Variants in KLHL32 observed in about 807,000 individuals in gnomAD.
KLHL32 encodes kelch-like protein 32.
A neutral mutation model predicts 64.8 loss-of-function variants in KLHL32; 35 were observed. That is an observed-to-expected ratio of 0.54 (90% CI 0.41 to 0.72). The LOEUF is 0.72. Among genes scored for constraint, KLHL32 ranks in the 30% least tolerant of loss-of-function variants. The pLI is 0.00. For synonymous variants in KLHL32, 259 were observed against 281.0 expected (o/e 0.92, Z 0.78); for missense variants, 589 against 768.5 (o/e 0.77, Z 2.76).
intron 6 of KLHL32, among the ~76,000 whole-genome samples, chr6:97,093,615 G>T (rs1310842953): frequency 1.3e-5 from 2 of 151,844 alleles, no homozygotes; most frequent in Non-Finnish European, 2.9e-5. Flanking sequence ...ATTTTCACCT[G>T]TTGTGAGACT....
At chr6:96,943,781 T>G (rs1319682411) in intron 1 of KLHL32, among the ~76,000 whole-genome samples, 1 of 152,184 alleles carries the variant, frequency 6.6e-6, no homozygotes, top group Admixed American at 6.5e-5. Context: ...GCACAGACAC[T>G]TGCCCCAGCC....
intron 4 of KLHL32, among the ~76,000 whole-genome samples, chr6:97,052,471 TG>T (rs1365318274): frequency 2.6e-5 from 4 of 152,246 alleles, no homozygotes; most frequent in African/African-American, 9.6e-5. Context: ...CATCAAAGAA[TG>T]TGTTTATATG....
the KLHL32 span, among the ~76,000 whole-genome samples, chr6:96,908,435 A>G: frequency 1.3e-5 from 2 of 152,220 alleles, no homozygotes; most frequent in African/African-American, 4.8e-5. Flanking sequence ...AAAATGTCAC[A>G]TGAATGTTAT....
At chr6:96,898,621 C>G in the KLHL32 span, among the ~76,000 whole-genome samples, 2 of 152,060 alleles carry the variant, frequency 1.3e-5, no homozygotes, top group African/African-American at 4.8e-5. Flanking sequence ...TCCTATTTCT[C>G]TTCTCTCTTG....
At chr6:97,001,036 G>C (rs1363962145) in intron 3 of KLHL32, among the ~76,000 whole-genome samples, 3 of 152,178 alleles carry the variant, frequency 2.0e-5, no homozygotes, top group Non-Finnish European at 4.4e-5. Context: ...GAGAAGGAGG[G>C]ATAATAGATG....
At chr6:97,079,890 T>G (rs1017800708) in intron 5 of KLHL32, among the ~76,000 whole-genome samples, 1 of 152,200 alleles carries the variant, frequency 6.6e-6, no homozygotes, top group Non-Finnish European at 1.5e-5. Context: ...AGATTTTCTT[T>G]TACTCAAGAG....
At chr6:97,052,545 C>G (rs1787103063) in intron 4 of KLHL32, among the ~76,000 whole-genome samples, 1 of 152,156 alleles carries the variant, frequency 6.6e-6, no homozygotes, top group Non-Finnish European at 1.5e-5. Flanking sequence ...CTTTGCACAC[C>G]CAGCAGGGCA....
At chr6:96,993,925 G>A (rs993073491) in intron 3 of KLHL32, among the ~76,000 whole-genome samples, 1 of 152,116 alleles carries the variant, frequency 6.6e-6, no homozygotes, top group African/African-American at 2.4e-5. Flanking sequence ...TCTACCCTTT[G>A]CTCTGGAGAG....
intron 3 of KLHL32, chr6:97,025,110 A>G (rs1782534442): frequency 3.0e-6 from 3 of 985,312 alleles, no homozygotes; most frequent in Non-Finnish European, 3.6e-6. Context: ...ATGTTTTACA[A>G]AAGAGGAGAA....
At chr6:97,116,829 C>G (rs1394430386) in intron 7 of KLHL32, among the ~76,000 whole-genome samples, 1 of 152,180 alleles carries the variant, frequency 6.6e-6, no homozygotes. Flanking sequence ...ATCCTTATTG[C>G]TATCTCACTT....
intron 1 of KLHL32, among the ~76,000 whole-genome samples, chr6:96,964,030 A>G (rs1333706818): frequency 6.6e-6 from 1 of 152,228 alleles, no homozygotes; most frequent in Non-Finnish European, 1.5e-5. Flanking sequence ...GGGGTTTGTG[A>G]TAAATGCAGT....
chr6:96,976,274 C>T (rs1422576369), intron 3 of KLHL32, 97 bp downstream of exon 3: 5 of 1,153,260 alleles, frequency 4.3e-6, no homozygotes, highest in Non-Finnish European at 4.8e-6. Context: ...TTAGGTGGTA[C>T]CCCCAGAGCT....
At chr6:97,048,810 C>T (rs924712158) in intron 4 of KLHL32, among the ~76,000 whole-genome samples, 1 of 152,158 alleles carries the variant, frequency 6.6e-6, no homozygotes, top group Non-Finnish European at 1.5e-5. Context: ...AAGTCTCTGT[C>T]GGATTTACTT....
At chr6:97,015,338 A>G (rs1781008378) in intron 3 of KLHL32, among the ~76,000 whole-genome samples, 1 of 152,186 alleles carries the variant, frequency 6.6e-6, no homozygotes, top group Admixed American at 6.5e-5. Context: ...AGGGCTCAGA[A>G]GAAGACAGGA....
At chr6:97,028,063 A>C (rs1274706895) in intron 3 of KLHL32, among the ~76,000 whole-genome samples, 1 of 152,166 alleles carries the variant, frequency 6.6e-6, no homozygotes, top group Admixed American at 6.5e-5. Flanking sequence ...GTGTCTCATC[A>C]CTTCAAGTAT....
intron 1 of KLHL32, among the ~76,000 whole-genome samples, chr6:96,952,569 A>G (rs147317752): frequency 1.3e-5 from 2 of 152,118 alleles, no homozygotes; most frequent in East Asian, 3.9e-4. Flanking sequence ...CATAATAGCT[A>G]CTCCCTAAAA....
chr6:96,982,307 C>A (rs1436795501), intron 3 of KLHL32, among the ~76,000 whole-genome samples: 2 of 152,028 alleles, frequency 1.3e-5, no homozygotes, highest in African/African-American at 4.8e-5. Context: ...TAGGTAATGC[C>A]CTTCTTTGTC....
chr6:96,905,575 GTTTC>G, the KLHL32 span, among the ~76,000 whole-genome samples: 2 of 152,060 alleles, frequency 1.3e-5, no homozygotes, highest in Admixed American at 1.3e-4. Flanking sequence ...CTGGTATTCA[GTTTC>G]TTTATCTGTA....
At chr6:97,029,889 G>A (rs1203884866) in intron 3 of KLHL32, among the ~76,000 whole-genome samples, 1 of 152,164 alleles carries the variant, frequency 6.6e-6, no homozygotes, top group Non-Finnish European at 1.5e-5. Flanking sequence ...ATGCCTCATG[G>A]CCATTGTAAA....
Sources: allele counts gnomAD v4.1 joint callset (sites outside exome capture counted in the v4.1 genomes callset), GRCh38; gene constraint gnomAD v4.1.1; transcripts MANE v1.5; gene names NCBI Gene and HGNC (gene_info 2026-07-23, HGNC 2026-07-21).